PKHD1: variants seen among roughly 807,000 people sequenced by gnomAD.
PKHD1 encodes fibrocystin.
Under a neutral mutation model 412.0 loss-of-function variants are expected in PKHD1, and 291 were observed. The ratio of observed to expected loss-of-function variants is 0.71; its 90% confidence interval spans 0.64 to 0.78. The LOEUF (loss-of-function observed/expected upper bound fraction) is 0.78, where lower values mean the gene tolerates loss of function less well. Among genes scored for constraint, PKHD1 ranks in the 30% least tolerant of loss-of-function variants. The probability of loss-of-function intolerance (pLI) is 0.00; values close to 1 mark genes in which losing one functional copy is unlikely to be tolerated. For synonymous variants in PKHD1, 1,777 were observed against 1,821.5 expected (o/e 0.98, Z 0.62); for missense variants, 4,825 against 4,950.7 (o/e 0.97, Z 0.76).
At chr6:51,668,370 G>A (rs1019964668) in intron 60 of PKHD1, among the ~76,000 whole-genome samples, 1 of 152,178 alleles carries the variant, frequency 6.6e-6, no homozygotes, top group African/African-American at 2.4e-5. Flanking sequence ...GTATAAGAAT[G>A]CTTGTGATTT....
chr6:52,084,976 A>G lies in PKHD1; in HGVS notation c.-43T>C, dbSNP rs552818786. 7.3e-7 allele frequency: 1 copy of G among 1,361,364 alleles called. No homozygotes were observed. The highest frequency in any genetic ancestry group is 1.1e-6 in the Non-Finnish European group (1 of 949,328). The allele number at this position is 1,361,364 out of a possible 1,614,324, so 84.3% of individuals were successfully genotyped here. The stretch of plus-strand genomic sequence containing the variant: ...ATACTCTTAAGATTGCTCAGACATT[A>G]AAAGCATTTTCAGTTTTGATTGGAG... On this transcript the variant is annotated 5_prime_UTR_variant, in exon 2 of 67. Transcript: ENST00000371117.
At chr6:51,901,359 T>G (rs939644696) in intron 43 of PKHD1, among the ~76,000 whole-genome samples, 2 of 152,196 alleles carry the variant, frequency 1.3e-5, no homozygotes, top group Non-Finnish European at 1.5e-5. Context: ...GATGAGTTCA[T>G]GTCCTTTGTA....
chr6:51,866,292 A>C (rs1775056267), intron 48 of PKHD1, among the ~76,000 whole-genome samples: 1 of 152,200 alleles, frequency 6.6e-6, no homozygotes, highest in African/African-American at 2.4e-5. Context: ...ATGACTGAGG[A>C]AGTTTCCAGA....
At position 51,807,493 on chromosome 6, in the gene PKHD1, G is replaced by A. The variant is rs1302038367; in HGVS notation, c.8303-16120C>T. ...TATATATATATATGTATATGTGTGTGTGTGTGTGTGTGTGTGTGTGTGTGT... is the reference window on the plus strand; with the variant it reads ...TATATATATATATGTATATGTGTGTATGTGTGTGTGTGTGTGTGTGTGTGT... On this transcript the variant is annotated intron_variant, in intron 52 of 66. Coordinates refer to ENST00000371117, the MANE Select transcript of PKHD1 (RefSeq NM_138694.4). 1.1e-3 allele frequency among the ~76,000 whole-genome samples: 155 copies of A among 143,510 alleles called. 2 individuals are homozygous for A. The South Asian group carries it at 0.014, about 13-fold the overall frequency. The allele number at this position is 143,510 out of a possible 152,430, so 94.1% of individuals were successfully genotyped here.
chr6:51,833,259 T>G (rs1582938017), intron 51 of PKHD1, among the ~76,000 whole-genome samples: 1 of 152,206 alleles, frequency 6.6e-6, no homozygotes, highest in South Asian at 2.1e-4. Context: ...CTGTACTTTT[T>G]TCACCTTTAC....
intron 37 of PKHD1, among the ~76,000 whole-genome samples, chr6:51,931,582 T>C (rs1786595363): frequency 6.6e-6 from 1 of 152,158 alleles, no homozygotes; most frequent in Admixed American, 6.5e-5. Flanking sequence ...CTCTGACAGA[T>C]ACATCAGGAA....
chr6:51,675,503 C>G (rs934590472), intron 60 of PKHD1, among the ~76,000 whole-genome samples: 1 of 152,134 alleles, frequency 6.6e-6, no homozygotes, highest in Non-Finnish European at 1.5e-5. Context: ...CAATTTACCA[C>G]TAAACACGTT....
At chr6:52,086,091 CAT>C (rs1812733316) in intron 1 of PKHD1, among the ~76,000 whole-genome samples, 1 of 146,498 alleles carries the variant, frequency 6.8e-6, no homozygotes, top group South Asian at 2.1e-4. Flanking sequence ...CACACACACA[CAT>C]ACACACACAC....
intron 49 of PKHD1, among the ~76,000 whole-genome samples, chr6:51,852,056 C>A (rs1698061041): frequency 6.6e-6 from 1 of 152,108 alleles, no homozygotes; most frequent in South Asian, 2.1e-4. Context: ...CTATAAATTT[C>A]CCTCTTAACA....
chr6:52,013,202 C>A (rs1800017217), intron 34 of PKHD1, among the ~76,000 whole-genome samples: 1 of 152,114 alleles, frequency 6.6e-6, no homozygotes, highest in Non-Finnish European at 1.5e-5. Flanking sequence ...CTTCTTATGC[C>A]CTTTCCTGAC....
chr6:51,950,220 A>AAAAAAAAAAAAAAAAATATATATAT, intron 36 of PKHD1, among the ~76,000 whole-genome samples: 2 of 98,324 alleles, frequency 2.0e-5, no homozygotes, highest in African/African-American at 7.6e-5. Context: ...GAAAAAAAAA[A>AAAAAAAAAAAAAAAAATATATATAT]ATATATATAT....
In PKHD1 at chr6:52,043,154, T is replaced by C. The variant is rs1387463691; in HGVS notation, c.2822-20A>G. 6.3e-7 allele frequency: 1 copy of C among 1,582,414 alleles called. No individual in the cohort carries two copies. Among genetic ancestry groups the C allele is most frequent in the Non-Finnish European group, 8.7e-7 (1 of 1,153,924 alleles). ...CACCATCTTAAAGGAGAAAAGAAAT[T>C]AAAAAACAAATAAAATAATCTCTCA... On this transcript the variant is annotated intron_variant, in intron 26 of 66. Coordinates refer to ENST00000371117, the MANE Select transcript of PKHD1 (RefSeq NM_138694.4).
At chr6:51,757,107 G>C (rs1787150745) in intron 55 of PKHD1, among the ~76,000 whole-genome samples, 1 of 152,144 alleles carries the variant, frequency 6.6e-6, no homozygotes, top group Admixed American at 6.6e-5. Context: ...GTGCGTCCTG[G>C]TTCCCGATAG....
At chr6:51,765,038 T>A (rs1228691207) in intron 55 of PKHD1, among the ~76,000 whole-genome samples, 1 of 152,120 alleles carries the variant, frequency 6.6e-6, no homozygotes, top group Non-Finnish European at 1.5e-5. Flanking sequence ...CATCTACTCT[T>A]GGTGTCTCCA....
At chr6:51,967,792 A>C (rs1176414288) in intron 35 of PKHD1, among the ~76,000 whole-genome samples, 19 of 152,188 alleles carry the variant, frequency 1.2e-4, no homozygotes, top group Admixed American at 1.2e-3. Flanking sequence ...ACACACTGCC[A>C]TTTAACCAGC....
At chr6:51,729,230 T>C (rs940448769) in intron 60 of PKHD1, among the ~76,000 whole-genome samples, 2 of 152,238 alleles carry the variant, frequency 1.3e-5, no homozygotes, top group East Asian at 3.8e-4. Flanking sequence ...GCTAATCAAA[T>C]TGAAATTCAG....
chr6:52,056,761 C>A lies in PKHD1; in HGVS notation c.1630G>T (p.Ala544Ser). 1.2e-6 allele frequency: 2 copies of A among 1,613,400 alleles called. No individual in the cohort carries two copies. Among genetic ancestry groups the A allele is most frequent in the Non-Finnish European group, 1.7e-6 (2 of 1,179,392 alleles). The change falls in exon 18 of 67, where the codon GCA becomes TCA. Residue 544 changes from alanine to serine, a missense_variant. Physicochemically the swap from Ala to Ser is moderately conservative, Grantham distance 99. Transcript: ENST00000371117. The part of the protein sequence containing the change: ...LIQTTIEELL[A>S]VKCKLEPLWS... The stretch of plus-strand genomic sequence containing the variant: ...AGGGGTTCCAGTTTGCATTTTACTG[C>A]AAGTAACTCCTCAATGGTTGTTTGA...
intron 52 of PKHD1, among the ~76,000 whole-genome samples, chr6:51,808,516 A>T (rs1383129469): frequency 1.3e-5 from 2 of 151,736 alleles, no homozygotes; most frequent in Admixed American, 6.6e-5. Flanking sequence ...AATCTCTCAC[A>T]CACACACACA....
chr6:51,911,651 T>A, intron 39 of PKHD1, 148 bp downstream of exon 39: 1 of 700,346 alleles, frequency 1.4e-6, no homozygotes, highest in Admixed American at 2.1e-5. Context: ...ATCAAGAGCA[T>A]TCTGAAAACT....
Sources: allele counts gnomAD v4.1 joint callset (sites outside exome capture counted in the v4.1 genomes callset), GRCh38; gene constraint gnomAD v4.1.1; transcripts MANE v1.5; gene names NCBI Gene and HGNC (gene_info 2026-07-23, HGNC 2026-07-21).